The following AHNAK variants were observed in gnomAD, a reference collection of about 807,000 sequenced individuals.
AHNAK encodes the protein AHNAK nucleoprotein.
AHNAK carries 23 observed loss-of-function variants against 37.8 expected under a neutral mutation model. The ratio of observed to expected loss-of-function variants is 0.61; its 90% CI spans 0.44 to 0.86. The LOEUF (loss-of-function observed/expected upper bound fraction) is 0.86, where lower values mean the gene tolerates loss of function less well. AHNAK is among the 40% of genes least tolerant of loss of function. The pLI is 0.00. For missense variants in AHNAK, 7,411 were observed against 7,319.4 expected (o/e 1.01, Z -0.46); for synonymous variants, 2,481 against 2,636.3 (o/e 0.94, Z 1.80).
At position 62,532,014 on chromosome 11, in the gene AHNAK, C is replaced by T. The variant is rs1182147232; in HGVS notation, c.2403G>A (p.Leu801=). Residue 801 remains leucine, a synonymous_variant, in exon 5 of 5, where the codon TTG becomes TTA. Transcript: ENST00000378024. The part of the protein sequence containing the change: ...DVSIEEPEGK[L]KGPKFKMPEM... ...CAGGCATCTTAAACTTGGGCCCTTTCAATTTCCCTTCTGGTTCCTCAATGC... is the reference window on the plus strand; with the variant it reads ...CAGGCATCTTAAACTTGGGCCCTTTTAATTTCCCTTCTGGTTCCTCAATGC... 1.9e-6 allele frequency: 3 copies of T among 1,613,338 alleles called. No homozygotes were observed. The South Asian group carries it at 3.3e-5, about 18-fold the overall frequency.
At chr11:62,493,623 C>T (rs1036142928) in intron 4 of AHNAK, among the ~76,000 whole-genome samples, 2 of 150,514 alleles carry the variant, frequency 1.3e-5, no homozygotes, top group Non-Finnish European at 2.9e-5. Context: ...CGTGAGCCAC[C>T]GTGCCCAGCC....
In AHNAK at chr11:62,519,025, A is replaced by G; in HGVS notation, c.15392T>C (p.Val5131Ala). The G allele has an allele frequency of 6.2e-7, 1 of 1,613,436 alleles. No individual in the cohort carries two copies. Among genetic ancestry groups the G allele is most frequent in the Non-Finnish European group, 8.5e-7 (1 of 1,179,546 alleles). Residue 5131 changes from valine (V) to alanine (A), a missense_variant, in exon 5 of 5, where the codon GTC (valine) becomes GCC (alanine). Physicochemically the swap from Val to Ala is moderately conservative, Grantham distance 64. Coordinates refer to ENST00000378024, the MANE Select transcript of AHNAK (RefSeq NM_001620.3). ...CTTCGCCTTGATGTCAAGACCTTCGACGTGAATCGCTGGCAAAGAAAGTTC... is the reference window on the plus strand; with the variant it reads ...CTTCGCCTTGATGTCAAGACCTTCGGCGTGAATCGCTGGCAAAGAAAGTTC... ...DLELSLPAIH[V>A]EGLDIKAKAP...
chr11:62,521,051 C>T lies in AHNAK; in HGVS notation c.13366G>A (p.Ala4456Thr), dbSNP rs754567037. The T allele has an allele frequency of 1.9e-6, 3 of 1,614,026 alleles. No homozygotes were observed. Among genetic ancestry groups the T allele is most frequent in the Non-Finnish European group, 2.5e-6 (3 of 1,180,002 alleles). The stretch of plus-strand genomic sequence containing the variant: ...AAGTCAGGCATAGAGATTTTGGGAG[C>T]TTTGATGTTCATCTCAGGCATCTTA... ...KFKMPEMNIK[A>T]PKISMPDFDL... is the part of the protein sequence containing the mutation. Residue 4456 changes from alanine to threonine, a missense_variant, in exon 5 of 5, where the codon GCT becomes ACT. Ala to Thr is a moderately conservative substitution (Grantham distance 58, BLOSUM62 0). Transcript: ENST00000378024.
chr11:62,521,990 T>A lies in AHNAK; in HGVS notation c.12427A>T (p.Met4143Leu), dbSNP rs1024177395. The A allele has an allele frequency of 6.2e-7, 1 of 1,612,826 alleles. No individual in the cohort carries two copies. The highest frequency in any genetic ancestry group is 2.2e-5 in the East Asian group (1 of 44,744). ...EVDLNLKGPK[M>L]KGDVDVSLPK... ...AGAGAAACGTCCACGTCGCCCTTCATCTTTGGACCTTTCAGATTCAGGTCA... is the reference window on the plus strand; with the variant it reads ...AGAGAAACGTCCACGTCGCCCTTCAACTTTGGACCTTTCAGATTCAGGTCA... Residue 4143 changes from methionine (M) to leucine (L), a missense_variant, in exon 5 of 5, where the codon ATG becomes TTG. By Grantham distance (15) the Met-to-Leu change is conservative. Transcript: ENST00000378024.
intron 5 of AHNAK, among the ~76,000 whole-genome samples, chr11:62,449,763 CT>C (rs1358349569): frequency 2.0e-5 from 3 of 152,198 alleles, no homozygotes; most frequent in Non-Finnish European, 4.4e-5. Context: ...CCCGGCTCCA[CT>C]ATGTGACTGG....
chr11:62,482,204 C>T (rs1166708490), intron 5 of AHNAK, among the ~76,000 whole-genome samples: 1 of 152,094 alleles, frequency 6.6e-6, no homozygotes, highest in Non-Finnish European at 1.5e-5. Flanking sequence ...CACTTGAGGC[C>T]CGGAGTTCGA....
In AHNAK at chr11:62,523,538, G is replaced by A; in HGVS notation, c.10879C>T (p.Pro3627Ser). ...GEGPEVDVTL[P>S]KADIDISGPN... ...CCAGAAATGTCAATGTCAGCTTTAG[G>A]GAGGGTAACATCGACTTCAGGGCCT... The change falls in exon 5 of 5, where the codon CCT becomes TCT. Residue 3627 changes from proline to serine, a missense_variant. Coordinates refer to ENST00000378024, the MANE Select transcript of AHNAK (RefSeq NM_001620.3). The A allele has an allele frequency of 6.2e-7, 1 of 1,613,952 alleles. No individual in the cohort carries two copies. Among genetic ancestry groups the A allele is most frequent in the Non-Finnish European group, 8.5e-7 (1 of 1,180,002 alleles).
Position 62,522,887 on chromosome 11 carries a change from C to A in AHNAK, c.11530G>T (p.Val3844Phe). 6.2e-7 allele frequency: 1 copy of A among 1,612,990 alleles called. No homozygotes were observed. The highest frequency in any genetic ancestry group is 8.5e-7 in the Non-Finnish European group (1 of 1,179,814). ...DVSGPKVDID[V>F]PDVNIEGPEG... ...GGGCCTTCGATATTCACATCTGGAA[C>A]ATCAATGTCCACCTTGGGTCCTGAG... The change falls in exon 5 of 5, where the codon GTT (valine) becomes TTT (phenylalanine). Residue 3844 changes from valine to phenylalanine, a missense_variant. Val to Phe is a conservative substitution (Grantham distance 50). Coordinates refer to ENST00000378024, the MANE Select transcript of AHNAK (RefSeq NM_001620.3).
intron 1 of AHNAK, among the ~76,000 whole-genome samples, chr11:62,538,100 G>C (rs1012265240): frequency 6.6e-6 from 1 of 152,124 alleles, no homozygotes; most frequent in Non-Finnish European, 1.5e-5. Context: ...CTCAGAGACA[G>C]AGACTTGGGC....
At chr11:62,451,963 A>G (rs111529347) in intron 5 of AHNAK, among the ~76,000 whole-genome samples, 7,288 of 150,194 alleles carry the variant, frequency 0.049, 575 homozygotes, top group African/African-American at 0.16. Flanking sequence ...ACCCGCCACC[A>G]AGCCTGGCTA....
At chr11:62,484,961 G>A (rs1336600117) in intron 5 of AHNAK, among the ~76,000 whole-genome samples, 1 of 152,000 alleles carries the variant, frequency 6.6e-6, no homozygotes, top group African/African-American at 2.4e-5. Flanking sequence ...GGCTAATTTT[G>A]TATTTTTAGT....
At position 62,516,730 on chromosome 11, in the gene AHNAK, C is replaced by A; in HGVS notation, c.*14G>T. On this transcript the variant is annotated 3_prime_UTR_variant, in exon 5 of 5. Coordinates refer to ENST00000378024, the MANE Select transcript of AHNAK (RefSeq NM_001620.3). ...TGTTATATATATATATATGTACACA[C>A]ATACAAAGGCCTGCTACTCTTTCTT... 6.3e-7 allele frequency: 1 copy of A among 1,593,864 alleles called. No individual in the cohort carries two copies. The highest frequency in any genetic ancestry group is 8.5e-7 in the Non-Finnish European group (1 of 1,171,782).
In AHNAK at chr11:62,527,955, C is replaced by G. The variant is rs747597114; in HGVS notation, c.6462G>C (p.Glu2154Asp). 8.3e-5 allele frequency: 133 copies of G among 1,610,508 alleles called. No individual in the cohort carries two copies. The highest frequency in any genetic ancestry group is 1.1e-4 in the Non-Finnish European group (129 of 1,179,036). ...GDLTGPSVDV[E>D]VPDVELECPD... ...GACACTCCAGCTCAACATCAGGCACCTCCACATCCACACTGGGGCCTGTTA... is the reference window on the plus strand; with the variant it reads ...GACACTCCAGCTCAACATCAGGCACGTCCACATCCACACTGGGGCCTGTTA... The change falls in exon 5 of 5, where the codon GAG becomes GAC. Residue 2154 changes from glutamate (E) to aspartate (D), a missense_variant. Coordinates refer to ENST00000378024, the MANE Select transcript of AHNAK (RefSeq NM_001620.3).
intron 4 of AHNAK, among the ~76,000 whole-genome samples, chr11:62,505,160 A>G (rs1939786513): frequency 6.6e-6 from 1 of 152,030 alleles, no homozygotes; most frequent in Non-Finnish European, 1.5e-5. Context: ...GGAGGTGTAT[A>G]CCTGGTCTCA....
intron 5 of AHNAK, among the ~76,000 whole-genome samples, chr11:62,487,614 A>G (rs959175326): frequency 6.6e-6 from 1 of 152,050 alleles, no homozygotes; most frequent in African/African-American, 2.4e-5. Flanking sequence ...CACCTGCCTC[A>G]ACCTCCCATG....
chr11:62,475,793 C>A lies in AHNAK; in HGVS notation c.442+15939G>T, dbSNP rs566644457. On this transcript the variant is annotated intron_variant, in intron 5 of 5. Coordinates refer to the AHNAK transcript ENST00000257247. Reference sequence around the variant, plus strand: ...CTAATTTTTGTATTTTTAGTAGAGACGAGGTTTCACCATGTTGGCCAGGCT... The same window carrying A: ...CTAATTTTTGTATTTTTAGTAGAGAAGAGGTTTCACCATGTTGGCCAGGCT... Among the ~76,000 whole-genome samples the A allele has an allele frequency of 1.1e-3, 174 of 151,644 alleles. 1 individual carries two copies. The highest frequency in any genetic ancestry group is 4.1e-3 in the African/African-American group (169 of 41,350).
intron 5 of AHNAK, among the ~76,000 whole-genome samples, chr11:62,481,863 C>A (rs1417522884): frequency 2.0e-5 from 3 of 152,158 alleles, no homozygotes; most frequent in Non-Finnish European, 4.4e-5. Context: ...CCGCGCCTGG[C>A]CCTTCAATAC....
rs1940165805 is a variant in AHNAK at position 62,519,850 on chromosome 11, A to G, written c.14567T>C (p.Leu4856Pro). The G allele has an allele frequency of 1.2e-6, 2 of 1,614,200 alleles. No individual in the cohort carries two copies. Among genetic ancestry groups the G allele is most frequent in the Non-Finnish European group, 1.7e-6 (2 of 1,180,036 alleles). The change falls in exon 5 of 5, where the codon CTG (leucine) becomes CCG (proline). Residue 4856 changes from leucine to proline, a missense_variant. Transcript: ENST00000378024. The stretch of plus-strand genomic sequence containing the variant: ...TTTTACTTTGGGTCCTTTCAAATCC[A>G]GGTCAACATCAGGTATGGAGATCTT... ...APKISIPDVD[L>P]DLKGPKVKGD...
chr11:62,532,134 C>T lies in AHNAK; in HGVS notation c.2283G>A (p.Gly761=). Residue 761 remains glycine (G), a synonymous_variant, in exon 5 of 5, where the codon GGG becomes GGA. Coordinates refer to ENST00000378024, the MANE Select transcript of AHNAK (RefSeq NM_001620.3). The part of the protein sequence containing the change: ...KMKMPKFSVP[G]FKAEGPEVDV... ...CCACTTCTGGGCCCTCTGCTTTGAA[C>T]CCTGGCACACTGAATTTGGGCATTT... 6.2e-7 allele frequency: 1 copy of T among 1,612,710 alleles called. No individual in the cohort carries two copies. The highest frequency in any genetic ancestry group is 1.1e-5 in the South Asian group (1 of 90,982).
Sources: allele counts gnomAD v4.1 joint callset (sites outside exome capture counted in the v4.1 genomes callset), GRCh38; gene constraint gnomAD v4.1.1; transcripts MANE v1.5; gene names NCBI Gene and HGNC (gene_info 2026-07-23, HGNC 2026-07-21).